The following DLG2 variants were observed in gnomAD, a reference collection of about 807,000 sequenced individuals.
DLG2 encodes disks large homolog 2.
A neutral mutation model predicts 132.5 loss-of-function variants in DLG2; 45 were observed. The ratio of observed to expected loss-of-function variants is 0.34; its 90% CI spans 0.27 to 0.44. The LOEUF is 0.44. Among genes scored for constraint, DLG2 ranks in the 20% least tolerant of loss-of-function variants. The pLI is 1.00. For missense variants in DLG2, 1,045 were observed against 1,196.9 expected (o/e 0.87, Z 1.87); for synonymous variants, 424 against 419.6 (o/e 1.01, Z -0.13).
chr11:85,250,374 T>G (rs546743894), intron 4 of DLG2, among the ~76,000 whole-genome samples: 7 of 152,322 alleles, frequency 4.6e-5, no homozygotes, highest in African/African-American at 1.7e-4. Context: ...ACATATATGC[T>G]TATTCTTTTA....
intron 10 of DLG2, among the ~76,000 whole-genome samples, chr11:84,075,793 T>C (rs955211285): frequency 6.6e-6 from 1 of 152,230 alleles, no homozygotes; most frequent in Non-Finnish European, 1.5e-5. Flanking sequence ...GGGTAAATCA[T>C]ATTTCATGAA....
chr11:84,657,881 A>G (rs1286776700), intron 6 of DLG2, among the ~76,000 whole-genome samples: 1 of 152,190 alleles, frequency 6.6e-6, no homozygotes, highest in Non-Finnish European at 1.5e-5. Context: ...TTAACCTCCA[A>G]TAAACGGTCA....
intron 8 of DLG2, among the ~76,000 whole-genome samples, chr11:84,216,605 T>G (rs568812397): frequency 5.3e-5 from 8 of 151,900 alleles, no homozygotes; most frequent in African/African-American, 1.9e-4. Flanking sequence ...AACCTAGAGA[T>G]GAGGGAAAAC....
intron 2 of DLG2, among the ~76,000 whole-genome samples, chr11:85,611,129 A>C (rs1169889541): frequency 6.6e-6 from 1 of 152,222 alleles, no homozygotes; most frequent in Non-Finnish European, 1.5e-5. Flanking sequence ...TCATGGGATG[A>C]ACCCCCAACC....
chr11:83,503,103 C>T (rs1157796193), intron 21 of DLG2, among the ~76,000 whole-genome samples: 1 of 151,690 alleles, frequency 6.6e-6, no homozygotes, highest in Non-Finnish European at 1.5e-5. Flanking sequence ...GGCAATGTGA[C>T]AGTGCACGCA....
chr11:83,468,370 C>T (rs2091506713), intron 25 of DLG2, among the ~76,000 whole-genome samples: 1 of 152,130 alleles, frequency 6.6e-6, no homozygotes, highest in Non-Finnish European at 1.5e-5. Flanking sequence ...CAGAACATTT[C>T]AAGTTAACAA....
intron 6 of DLG2, among the ~76,000 whole-genome samples, chr11:85,008,441 CT>C (rs1436214015): frequency 6.6e-6 from 1 of 151,832 alleles, no homozygotes; most frequent in Non-Finnish European, 1.5e-5. Flanking sequence ...TACAGGGTTC[CT>C]TGTAAGATTA....
At chr11:84,789,406 T>C (rs2073452519) in intron 6 of DLG2, among the ~76,000 whole-genome samples, 1 of 152,176 alleles carries the variant, frequency 6.6e-6, no homozygotes, top group Admixed American at 6.5e-5. Flanking sequence ...AGCTTTATTT[T>C]TTTTCCTAAT....
intron 7 of DLG2, among the ~76,000 whole-genome samples, chr11:84,526,959 T>C (rs968594831): frequency 2.6e-5 from 4 of 152,048 alleles, no homozygotes; most frequent in Non-Finnish European, 5.9e-5. Flanking sequence ...TTTGTATTTT[T>C]AGTAGAGACG....
chr11:85,616,197 G>C (rs1425588768), intron 2 of DLG2, among the ~76,000 whole-genome samples: 1 of 152,120 alleles, frequency 6.6e-6, no homozygotes, highest in African/African-American at 2.4e-5. Flanking sequence ...CAGTAAAAAG[G>C]AAAGCATCAG....
intron 3 of DLG2, among the ~76,000 whole-genome samples, chr11:85,478,492 C>T (rs1414650085): frequency 6.6e-6 from 1 of 152,150 alleles, no homozygotes; most frequent in Non-Finnish European, 1.5e-5. Context: ...TTCTTGATTA[C>T]TAAATTTCTC....
chr11:83,597,814 C>CAAACAAACA (rs1555229593), intron 19 of DLG2, among the ~76,000 whole-genome samples: 8 of 151,922 alleles, frequency 5.3e-5, no homozygotes, highest in African/African-American at 1.7e-4. Flanking sequence ...AACAAACAAA[C>CAAACAAACA]AAACACAAAA....
At chr11:85,355,579 G>C (rs1263500203) in intron 3 of DLG2, among the ~76,000 whole-genome samples, 1 of 152,126 alleles carries the variant, frequency 6.6e-6, no homozygotes, top group African/African-American at 2.4e-5. Flanking sequence ...AAGAAGCCTA[G>C]TTGAGATTTA....
chr11:84,446,253 T>C (rs1234078560), intron 7 of DLG2, among the ~76,000 whole-genome samples: 1 of 152,130 alleles, frequency 6.6e-6, no homozygotes, highest in East Asian at 1.9e-4. Flanking sequence ...AAATCTATCA[T>C]GTTCTGTTTT....
intron 7 of DLG2, among the ~76,000 whole-genome samples, chr11:84,511,303 T>C (rs1338117577): frequency 6.6e-6 from 1 of 152,108 alleles, no homozygotes; most frequent in East Asian, 1.9e-4. Flanking sequence ...ATAGGACTAA[T>C]CAAATATGAA....
intron 7 of DLG2, among the ~76,000 whole-genome samples, chr11:84,403,060 T>A (rs2098836324): frequency 6.6e-6 from 1 of 152,052 alleles, no homozygotes; most frequent in African/African-American, 2.4e-5. Context: ...TGTGTTTTTT[T>A]TTAATATCTG....
intron 6 of DLG2, among the ~76,000 whole-genome samples, chr11:84,995,738 GAGGA>G (rs2154127812): frequency 6.6e-6 from 1 of 151,962 alleles, no homozygotes; most frequent in South Asian, 2.1e-4. Flanking sequence ...TAAAAAAAAA[GAGGA>G]ATGGATTTTA....
At chr11:85,245,129 A>T (rs575194065) in intron 4 of DLG2, among the ~76,000 whole-genome samples, 2 of 151,884 alleles carry the variant, frequency 1.3e-5, no homozygotes, top group African/African-American at 2.4e-5. Flanking sequence ...AATATTGAAG[A>T]CTCCAGGAAT....
At chr11:83,837,267 C>T (rs2056444840) in intron 16 of DLG2, among the ~76,000 whole-genome samples, 2 of 152,138 alleles carry the variant, frequency 1.3e-5, no homozygotes, top group Non-Finnish European at 2.9e-5. Flanking sequence ...CTAACGCCAC[C>T]TCATTTCAGC....
Sources: allele counts gnomAD v4.1 joint callset (sites outside exome capture counted in the v4.1 genomes callset), GRCh38; gene constraint gnomAD v4.1.1; transcripts MANE v1.5; gene names NCBI Gene and HGNC (gene_info 2026-07-23, HGNC 2026-07-21).